The following CSMD1 variants were observed in gnomAD, a reference collection of about 807,000 sequenced individuals.
The protein encoded by CSMD1 is CUB and sushi domain-containing protein 1.
In CSMD1, 213 loss-of-function variants were observed where a neutral mutation model predicts 417.5. The observed-to-expected ratio is 0.51, with a 90% CI of 0.46 to 0.57. CSMD1 has a LOEUF of 0.57. CSMD1 is among the 20% of genes least tolerant of loss of function. The probability of loss-of-function intolerance (pLI) is 0.00; values close to 1 mark genes in which losing one functional copy is unlikely to be tolerated. For missense variants in CSMD1, 6,923 were observed against 4,529.7 expected (o/e 1.53, Z -15.17); for synonymous variants, 2,862 against 1,736.8 (o/e 1.65, Z -16.11).
Position 3,564,517 on chromosome 8 carries a change from TTGTG to T in CSMD1, c.1344+10424_1344+10427del, listed in dbSNP as rs34665230. ...TAGAAATGCTGGCTCCACAGTATAT[TTGTG>T]TGTGTGTGTGTGTGTGTGTGTGTGT... On this transcript the variant is annotated intron_variant, in intron 10 of 69. Transcript: ENST00000635120. Among the ~76,000 whole-genome samples the T allele has an allele frequency of 4.7e-4, 69 of 145,490 alleles. 1 individual carries two copies. The highest frequency in any genetic ancestry group is 9.8e-4 in the African/African-American group (38 of 38,758).
chr8:3,481,848 G>A (rs1817766971), intron 11 of CSMD1, among the ~76,000 whole-genome samples: 1 of 152,180 alleles, frequency 6.6e-6, no homozygotes, highest in Non-Finnish European at 1.5e-5. Context: ...ACATGTTGAT[G>A]CTGGCCTAGA....
At chr8:3,935,387 G>C (rs748716738) in intron 5 of CSMD1, among the ~76,000 whole-genome samples, 1 of 152,100 alleles carries the variant, frequency 6.6e-6, no homozygotes, top group Non-Finnish European at 1.5e-5. Flanking sequence ...AATCTCTTTG[G>C]ACTTTGCTCT....
At chr8:4,138,617 T>G (rs1206671506) in intron 3 of CSMD1, among the ~76,000 whole-genome samples, 1 of 135,052 alleles carries the variant, frequency 7.4e-6, no homozygotes, top group African/African-American at 2.4e-5. Context: ...CAAAAAAAAT[T>G]AAACAAAGGA....
At chr8:4,166,800 G>C (rs994189918) in intron 3 of CSMD1, among the ~76,000 whole-genome samples, 3 of 152,174 alleles carry the variant, frequency 2.0e-5, no homozygotes, top group South Asian at 2.1e-4. Context: ...ATCAGGGTGT[G>C]TTTAATGAGA....
Position 3,986,947 on chromosome 8 carries a change from G to A in CSMD1, c.818+10956C>T, listed in dbSNP as rs566685932. ...TTTTTGTATTTTTAGTATACAGGGC[G>A]TTTCACCATGCAGTTCAGGCTGTTC... is the stretch of plus-strand genomic sequence containing the variant. On this transcript the variant is annotated intron_variant, in intron 5 of 69. Coordinates refer to ENST00000635120, the MANE Select transcript of CSMD1 (RefSeq NM_033225.6). 7.2e-5 allele frequency among the ~76,000 whole-genome samples: 11 copies of A among 152,122 alleles called. No individual in the cohort carries two copies. In the East Asian group the frequency reaches 1.4e-3, roughly 19 times the overall value.
intron 1 of CSMD1, among the ~76,000 whole-genome samples, chr8:4,879,374 T>C (rs1163526231): frequency 6.6e-6 from 1 of 152,026 alleles, no homozygotes; most frequent in Non-Finnish European, 1.5e-5. Flanking sequence ...TATGAATAAA[T>C]GGCATGAGTA....
chr8:3,711,209 G>A (rs1297152020), intron 6 of CSMD1, among the ~76,000 whole-genome samples: 3 of 152,200 alleles, frequency 2.0e-5, no homozygotes, highest in African/African-American at 7.2e-5. Context: ...TCCCAACAGT[G>A]TAGCTTAGCA....
intron 7 of CSMD1, among the ~76,000 whole-genome samples, chr8:3,700,068 C>A (rs1308181463): frequency 6.6e-6 from 1 of 152,106 alleles, no homozygotes; most frequent in African/African-American, 2.4e-5. Context: ...TATGCCTGTC[C>A]TCATAAGAAT....
At chr8:3,401,825 A>G (rs1230284383) in intron 15 of CSMD1, among the ~76,000 whole-genome samples, 2 of 152,168 alleles carry the variant, frequency 1.3e-5, no homozygotes, top group African/African-American at 4.8e-5. Flanking sequence ...TCAAGAAAAG[A>G]CATTCCACCT....
intron 49 of CSMD1, among the ~76,000 whole-genome samples, chr8:3,062,061 C>A (rs1812622514): frequency 6.6e-6 from 1 of 152,168 alleles, no homozygotes; most frequent in Admixed American, 6.5e-5. Context: ...AACATTCAAT[C>A]AATCACTTAG....
chr8:3,663,401 T>C (rs2624088), intron 7 of CSMD1, among the ~76,000 whole-genome samples: 2 of 151,960 alleles, frequency 1.3e-5, no homozygotes, highest in African/African-American at 4.8e-5. Flanking sequence ...CTGACTGCTT[T>C]TAAGACATGT....
intron 4 of CSMD1, among the ~76,000 whole-genome samples, chr8:4,024,145 A>C (rs1456951639): frequency 1.3e-5 from 2 of 152,180 alleles, no homozygotes; most frequent in African/African-American, 2.4e-5. Context: ...AATTAAAGAA[A>C]TACAGCATAA....
At chr8:3,747,991 G>T (rs1284644928) in intron 6 of CSMD1, among the ~76,000 whole-genome samples, 2 of 152,186 alleles carry the variant, frequency 1.3e-5, no homozygotes, top group East Asian at 1.9e-4. Context: ...CTCCAAGGTG[G>T]ACGTGATTAT....
At chr8:3,820,438 A>T (rs1801665401) in intron 5 of CSMD1, among the ~76,000 whole-genome samples, 1 of 152,214 alleles carries the variant, frequency 6.6e-6, no homozygotes, top group Non-Finnish European at 1.5e-5. Context: ...GGGTCAGGAC[A>T]ATCAATATCA....
intron 3 of CSMD1, among the ~76,000 whole-genome samples, chr8:4,036,186 T>G (rs962202530): frequency 6.6e-6 from 1 of 152,158 alleles, no homozygotes; most frequent in East Asian, 1.9e-4. Flanking sequence ...TCTGTGATGT[T>G]TGCACAGGGA....
Position 4,633,629 on chromosome 8 carries a change from T to A in CSMD1, c.302+3713A>T, listed in dbSNP as rs184533347. 3.5e-3 allele frequency among the ~76,000 whole-genome samples: 538 copies of A among 152,210 alleles called. 3 individuals are homozygous for A. The Middle Eastern group carries it at 0.041, about 12-fold the overall frequency. ...TGGAGTGCAGTGGCATGATCTGCAC[T>A]CACTGCAACCTCCATTTCCCAGGTT... is the stretch of plus-strand genomic sequence containing the variant. On this transcript the variant is annotated intron_variant, in intron 2 of 69. Transcript: ENST00000635120.
chr8:3,413,536 G>C (rs1357946275), intron 12 of CSMD1, among the ~76,000 whole-genome samples: 1 of 152,298 alleles, frequency 6.6e-6, no homozygotes, highest in East Asian at 1.9e-4. Context: ...GTAGGTTTGT[G>C]TGTTTCACCT....
chr8:3,369,207 G>A (rs948631900), intron 19 of CSMD1, 47 bp downstream of exon 19: 1 of 912,292 alleles, frequency 1.1e-6, no homozygotes, highest in Admixed American at 2.1e-5. Flanking sequence ...CCGTTTTTCT[G>A]TCTCATTTAT....
At chr8:4,753,634 G>C (rs1055890911) in intron 1 of CSMD1, among the ~76,000 whole-genome samples, 4 of 152,164 alleles carry the variant, frequency 2.6e-5, no homozygotes, top group Non-Finnish European at 4.4e-5. Flanking sequence ...CTGTTCCGCA[G>C]CAGGACATGA....
Sources: gnomAD v4.1 joint callset for allele counts (sites outside exome capture counted in the v4.1 genomes callset) on GRCh38, gnomAD v4.1.1 for gene constraint, MANE v1.5 for transcripts, NCBI Gene and HGNC (gene_info 2026-07-23, HGNC 2026-07-21) for gene names.